Variants in DDX46 observed in about 807,000 individuals in gnomAD.
DDX46 encodes probable ATP-dependent RNA helicase DDX46.
DDX46 carries 30 observed loss-of-function variants against 134.9 expected under a neutral mutation model. That is an observed-to-expected ratio of 0.22 (90% CI 0.17 to 0.30). The LOEUF (loss-of-function observed/expected upper bound fraction) is 0.30, where lower values mean the gene tolerates loss of function less well. Among genes scored for constraint, DDX46 ranks in the 10% least tolerant of loss-of-function variants. DDX46 has a pLI of 1.00. For synonymous variants in DDX46, 415 were observed against 404.1 expected, an observed-to-expected ratio of 1.03 and a Z score of -0.32; for missense variants, 622 against 1,248.7, an observed-to-expected ratio of 0.50 and a Z score of 7.56.
Position 134,828,915 on chromosome 5 carries a change from G to C in DDX46, c.*209G>C. ...TATATTTAAAGCCAGCCTGTTTTCA[G>C]AGTATGATGTCCTTTAATGTAAACT... is the stretch of plus-strand genomic sequence containing the variant. On this transcript the variant is annotated 3_prime_UTR_variant, in exon 23 of 23. Coordinates refer to ENST00000452510, the MANE Select transcript of DDX46 (RefSeq NM_001300860.2). The C allele has an allele frequency of 2.7e-6, 1 of 366,818 alleles. No individual in the cohort carries two copies. Among genetic ancestry groups the C allele is most frequent in the South Asian group, 1.4e-4 (1 of 7,346 alleles). 22.7% of individuals were successfully genotyped at this position (366,818 alleles called of 1,614,324 possible).
intron 18 of DDX46, among the ~76,000 whole-genome samples, chr5:134,814,589 C>A (rs942084365): frequency 6.6e-6 from 1 of 152,054 alleles, no homozygotes; most frequent in African/African-American, 2.4e-5. Flanking sequence ...TGATAACTGA[C>A]CCCCTGTTGG....
chr5:134,797,432 G>C (rs1754699922), intron 15 of DDX46, among the ~76,000 whole-genome samples: 1 of 152,168 alleles, frequency 6.6e-6, no homozygotes, highest in African/African-American at 2.4e-5. Flanking sequence ...ACTTTATGTG[G>C]CTGGCAAATT....
chr5:134,787,999 CTGGGCAACAGAGTG>C lies in DDX46; in HGVS notation c.1465-513_1465-500del, dbSNP rs1208402471. Reference sequence around the variant, plus strand: ...ACACTGCTGCACTGGGCAACAGAGCCTGGGCAACAGAGTGAGACCCTGTCTCAAAAAAAAAAAAA... The same window carrying C: ...ACACTGCTGCACTGGGCAACAGAGCCAGACCCTGTCTCAAAAAAAAAAAAA... On this transcript the variant is annotated intron_variant, in intron 11 of 22. Transcript: ENST00000452510. Among the ~76,000 whole-genome samples the C allele has an allele frequency of 3.5e-3, 493 of 141,706 alleles. 3 individuals are homozygous for C. The highest frequency in any genetic ancestry group is 0.013 in the African/African-American group (473 of 37,414). 93.0% of individuals were successfully genotyped at this position (141,706 alleles called of 152,430 possible).
At chr5:134,797,859 C>T (rs559474678) in intron 15 of DDX46, among the ~76,000 whole-genome samples, 1 of 152,314 alleles carries the variant, frequency 6.6e-6, no homozygotes. Flanking sequence ...GTTGCCCAGG[C>T]TGGAGTGCAA....
In DDX46 at chr5:134,803,002, A is replaced by T. The variant is rs77136780; in HGVS notation, c.1955-4746A>T. Among the ~76,000 whole-genome samples the T allele has an allele frequency of 8.3e-3, 1,260 of 151,906 alleles. 17 individuals carry two copies. The highest frequency in any genetic ancestry group is 0.028 in the African/African-American group (1,145 of 41,420). On this transcript the variant is annotated intron_variant, in intron 15 of 22. Transcript: ENST00000452510. ...CTGAAATCTCTTACTTTTTAATTTTATTATTATTTTTTATACGGAGTCTTG... is the reference window on the plus strand; with the variant it reads ...CTGAAATCTCTTACTTTTTAATTTTTTTATTATTTTTTATACGGAGTCTTG...
chr5:134,770,459 C>T (rs1412237229), intron 3 of DDX46, among the ~76,000 whole-genome samples: 2 of 152,100 alleles, frequency 1.3e-5, no homozygotes, highest in African/African-American at 2.4e-5. Context: ...ATTGATCCTC[C>T]TGCCTTGGCT....
At chr5:134,795,792 C>T (rs1268677058) in intron 14 of DDX46, among the ~76,000 whole-genome samples, 196 bp from the exon 15 acceptor site, 1 of 152,056 alleles carries the variant, frequency 6.6e-6, no homozygotes, top group African/African-American at 2.4e-5. Flanking sequence ...GATCATTTGC[C>T]CTCATTTGCA....
chr5:134,814,985 G>A (rs1755246426), intron 18 of DDX46, among the ~76,000 whole-genome samples: 1 of 151,858 alleles, frequency 6.6e-6, no homozygotes. Flanking sequence ...GTGGCTCATG[G>A]CCTGTAATCC....
chr5:134,792,316 G>A (rs1754528399), intron 13 of DDX46, among the ~76,000 whole-genome samples: 1 of 152,040 alleles, frequency 6.6e-6, no homozygotes. Context: ...AGTACAAATG[G>A]GATCCAGTGG....
chr5:134,828,635 C>CA, intron 22 of DDX46, 24 bp from the exon 23 acceptor site: 1 of 1,401,716 alleles, frequency 7.1e-7, no homozygotes, highest in Non-Finnish European at 9.5e-7. Context: ...TCTCTGATGA[C>CA]ATATCTTTTA....
chr5:134,827,208 C>A (rs572826986), intron 22 of DDX46, among the ~76,000 whole-genome samples, 188 bp downstream of exon 22: 113 of 152,206 alleles, frequency 7.4e-4, no homozygotes, highest in Non-Finnish European at 1.4e-3. Flanking sequence ...GAAGTCTTCT[C>A]TGTGTCTATT....
At chr5:134,800,548 C>G (rs1295605721) in intron 15 of DDX46, among the ~76,000 whole-genome samples, 1 of 152,176 alleles carries the variant, frequency 6.6e-6, no homozygotes, top group Admixed American at 6.5e-5. Context: ...ATACCATAAT[C>G]AGGTTGCAGA....
At chr5:134,770,199 ATTTTTTTTTTTT>A (rs368105956) in intron 3 of DDX46, among the ~76,000 whole-genome samples, 5 of 129,804 alleles carry the variant, frequency 3.9e-5, no homozygotes, top group African/African-American at 1.1e-4. Flanking sequence ...GCCTGACCAA[ATTTTTTTTTTTT>A]TTTTTTTTTT....
At position 134,764,841 on chromosome 5, in the gene DDX46, C is replaced by T. The variant is rs539647521; in HGVS notation, c.206+749C>T. Among the ~76,000 whole-genome samples, 13 of 150,084 alleles carry T rather than the reference C, an allele frequency of 8.7e-5. No individual in the cohort carries two copies. The South Asian group carries it at 1.5e-3, about 17-fold the overall frequency. On this transcript the variant is annotated intron_variant, in intron 2 of 22. Coordinates refer to ENST00000452510, the MANE Select transcript of DDX46 (RefSeq NM_001300860.2). Reference sequence around the variant, plus strand: ...TCCTTCCCTCCCTCCCTTCCTCCATCTCTCTCTTCCTTCCTCCCTATCTCC... The same window carrying T: ...TCCTTCCCTCCCTCCCTTCCTCCATTTCTCTCTTCCTTCCTCCCTATCTCC...
At chr5:134,776,466 G>A (rs1753940454) in intron 5 of DDX46, among the ~76,000 whole-genome samples, 1 of 152,120 alleles carries the variant, frequency 6.6e-6, no homozygotes, top group African/African-American at 2.4e-5. Flanking sequence ...CATCTTAAAG[G>A]TCTTCATCCT....
intron 6 of DDX46, chr5:134,778,017 ACT>A (rs1491185536): frequency 1.0e-4 from 19 of 187,500 alleles, no homozygotes; most frequent in Non-Finnish European, 1.4e-4. Context: ...TGTCTTTGAT[ACT>A]CTTTTTTTTT....
chr5:134,786,640 C>G (rs998641312), intron 11 of DDX46, among the ~76,000 whole-genome samples: 5 of 152,072 alleles, frequency 3.3e-5, no homozygotes, highest in Admixed American at 6.6e-5. Context: ...GTCAGGAGCT[C>G]AAGACCAGCC....
intron 21 of DDX46, 162 bp from the exon 22 acceptor site, chr5:134,826,785 A>G (rs1755603213): frequency 1.7e-6 from 1 of 573,354 alleles, no homozygotes; most frequent in South Asian, 2.7e-5. Context: ...CAGCCATTAT[A>G]TAATGTGGGT....
intron 6 of DDX46, among the ~76,000 whole-genome samples, chr5:134,778,926 C>T (rs550530950): frequency 2.8e-4 from 42 of 151,728 alleles, no homozygotes; most frequent in African/African-American, 9.7e-4. Context: ...GATGGAGTGT[C>T]GCCTTTGTTG....
Sources: gnomAD v4.1 joint callset for allele counts (sites outside exome capture counted in the v4.1 genomes callset) on GRCh38, gnomAD v4.1.1 for gene constraint, MANE v1.5 for transcripts, NCBI Gene and HGNC (gene_info 2026-07-23, HGNC 2026-07-21) for gene names.